TYW1: variants seen among roughly 807,000 people sequenced by gnomAD.
TYW1 encodes the protein tRNA-yW synthesizing protein 1 homolog, also known as S-adenosyl-L-methionine-dependent tRNA 4-demethylwyosine synthase TYW1.
In TYW1, 46 loss-of-function variants were observed where a neutral mutation model predicts 96.2. The observed-to-expected ratio is 0.48, with a 90% CI of 0.38 to 0.61. TYW1 has a LOEUF of 0.61. TYW1 is among the 20% of genes least tolerant of loss of function. TYW1 has a pLI of 0.00. For synonymous variants in TYW1, 274 were observed against 323.0 expected (o/e 0.85, Z 1.63); for missense variants, 684 against 909.6 (o/e 0.75, Z 3.19).
chr7:67,082,990 T>TC (rs11395317), intron 10 of TYW1, among the ~76,000 whole-genome samples: 15,956 of 152,020 alleles, frequency 0.1, 893 homozygotes, highest in Middle Eastern at 0.16. Context: ...TCTTGTCCTT[T>TC]CCCCAGGCCT....
At chr7:67,107,882 T>TC (rs1370303476) in intron 12 of TYW1, among the ~76,000 whole-genome samples, 1 of 149,930 alleles carries the variant, frequency 6.7e-6, no homozygotes, top group African/African-American at 2.5e-5. Flanking sequence ...GACTTTTTTT[T>TC]TTTTTTTTTT....
At chr7:67,082,311 G>T (rs1796414496) in intron 10 of TYW1, among the ~76,000 whole-genome samples, 1 of 152,116 alleles carries the variant, frequency 6.6e-6, no homozygotes, top group Non-Finnish European at 1.5e-5. Flanking sequence ...TATAGTGTTG[G>T]TTGAGTGGGG....
intron 15 of TYW1, among the ~76,000 whole-genome samples, chr7:67,210,914 A>C (rs536057243): frequency 2.0e-5 from 3 of 146,562 alleles, no homozygotes; most frequent in African/African-American, 7.6e-5. Context: ...CCATCCATCT[A>C]TCCAACCATC....
At chr7:67,098,756 C>T in intron 12 of TYW1, 38 bp downstream of exon 12, 1 of 1,525,680 alleles carries the variant, frequency 6.6e-7, no homozygotes, top group East Asian at 2.3e-5. Context: ...CTGCTTGAAT[C>T]TATGTTTCAC....
At position 67,159,198 on chromosome 7, in the gene TYW1, A is replaced by G. The variant is rs573140043; in HGVS notation, c.1699-23928A>G. ...CTCAAGTTTAAATTGCTGCATATTC[A>G]TTAGTTGGGTTTGTCATGATTTTCT... On this transcript the variant is annotated intron_variant, in intron 13 of 15. Coordinates refer to ENST00000359626, the MANE Select transcript of TYW1 (RefSeq NM_018264.4). Among the ~76,000 whole-genome samples the G allele has an allele frequency of 1.1e-4, 16 of 152,270 alleles. No homozygotes were observed. The South Asian group carries it at 1.2e-3, about 12-fold the overall frequency.
chr7:67,076,069 G>A (rs1001890323), intron 10 of TYW1, among the ~76,000 whole-genome samples: 1 of 152,086 alleles, frequency 6.6e-6, no homozygotes, highest in East Asian at 1.9e-4. Context: ...TTCTTTATTC[G>A]GAGGTGTTTT....
chr7:67,143,528 A>G (rs1434610715), intron 13 of TYW1, among the ~76,000 whole-genome samples: 9 of 152,228 alleles, frequency 5.9e-5, no homozygotes, highest in Non-Finnish European at 1.3e-4. Flanking sequence ...ACCACTGATT[A>G]CTAAAGAGCC....
intron 12 of TYW1, among the ~76,000 whole-genome samples, chr7:67,107,874 CT>C (rs1027528139): frequency 0.074 from 8,942 of 121,468 alleles, 332 homozygotes; most frequent in Middle Eastern, 0.19. Context: ...CCAAGATGGA[CT>C]TTTTTTTTTT....
chr7:67,065,872 G>A (rs188945391), intron 9 of TYW1, among the ~76,000 whole-genome samples: 6 of 152,128 alleles, frequency 3.9e-5, no homozygotes, highest in East Asian at 3.9e-4. Context: ...CTAGCTGGGC[G>A]TGGTGCCGCA....
At chr7:67,207,859 T>C (rs1449193916) in intron 15 of TYW1, among the ~76,000 whole-genome samples, 2 of 151,932 alleles carry the variant, frequency 1.3e-5, no homozygotes, top group East Asian at 3.9e-4. Flanking sequence ...TAACTGGGAC[T>C]ACAGGTGCCT....
chr7:67,010,448 G>T (rs1308647501), intron 4 of TYW1, among the ~76,000 whole-genome samples: 1 of 151,572 alleles, frequency 6.6e-6, no homozygotes, highest in African/African-American at 2.4e-5. Flanking sequence ...CTACAGGCAT[G>T]TGCTGCCATG....
Position 67,233,340 on chromosome 7 carries a change from T to G in TYW1, c.1978-4968T>G, listed in dbSNP as rs1801795522. Among the ~76,000 whole-genome samples the G allele has an allele frequency of 2.2e-5, 3 of 135,922 alleles. 1 individual carries two copies. The South Asian group carries it at 7.3e-4, about 33-fold the overall frequency. The allele number at this position is 135,922 out of a possible 152,430, so 89.2% of individuals were successfully genotyped here. A position where few individuals can be genotyped will look rare whatever the true frequency, so the allele number is the denominator to read the frequency against. On this transcript the variant is annotated intron_variant, in intron 15 of 15. Coordinates refer to ENST00000359626, the MANE Select transcript of TYW1 (RefSeq NM_018264.4). ...ACTAACAGAGAACCTATGCCATTAT[T>G]ATTGTTTAGCGAAATTCTCCCTGTG...
chr7:67,182,126 G>A (rs1295223629), intron 13 of TYW1, among the ~76,000 whole-genome samples: 1 of 152,156 alleles, frequency 6.6e-6, no homozygotes, highest in African/African-American at 2.4e-5. Context: ...ACCACACCCG[G>A]CCTTAAGCCA....
At chr7:67,139,439 A>G (rs972313184) in intron 13 of TYW1, among the ~76,000 whole-genome samples, 3 of 152,190 alleles carry the variant, frequency 2.0e-5, no homozygotes, top group African/African-American at 7.2e-5. Context: ...ATGTGTATGC[A>G]CACATACATA....
chr7:67,150,722 A>G lies in TYW1; in HGVS notation c.1699-32404A>G, dbSNP rs558958047. ...AATTTCAGATTCTCCTACAGCATCC[A>G]CGTGATAATTATAAATTTGTTTTGT... On this transcript the variant is annotated intron_variant, in intron 13 of 15. Transcript: ENST00000359626. 9.9e-5 allele frequency among the ~76,000 whole-genome samples: 15 copies of G among 152,116 alleles called. No homozygotes were observed. The East Asian group carries it at 2.1e-3, about 21-fold the overall frequency.
Position 67,009,630 on chromosome 7 carries a change from T to A in TYW1, c.321T>A (p.Pro107=), listed in dbSNP as rs773619559. 8.7e-6 allele frequency: 14 copies of A among 1,612,510 alleles called. No individual in the cohort carries two copies. The highest frequency in any genetic ancestry group is 1.7e-5 in the Admixed American group (1 of 59,660). The change falls in exon 4 of 16, where the codon CCT becomes CCA. Residue 107 remains proline (P), a synonymous_variant. Transcript: ENST00000359626. ...AAGCAGTTACATCCCTGGATCTGCC[T>A]GTGGCCATTATTAATCTAAAAGAAT... ...LAEAVTSLDL[P]VAIINLKEYD... is the part of the protein sequence containing the mutation.
chr7:67,006,501 G>A (rs1172639859), intron 3 of TYW1, among the ~76,000 whole-genome samples: 4 of 145,352 alleles, frequency 2.8e-5, no homozygotes, highest in Non-Finnish European at 4.5e-5. Context: ...GTGCAGTGGC[G>A]TGATCTCGGC....
chr7:67,121,714 C>CT (rs1299069595), intron 13 of TYW1, among the ~76,000 whole-genome samples: 1 of 150,966 alleles, frequency 6.6e-6, no homozygotes, highest in Non-Finnish European at 1.5e-5. Flanking sequence ...ATTTCTTAAA[C>CT]TTTATAAACA....
intron 13 of TYW1, among the ~76,000 whole-genome samples, chr7:67,131,762 A>G (rs59734986): frequency 0.28 from 42,057 of 152,058 alleles, 6,666 homozygotes; most frequent in African/African-American, 0.44. Context: ...GGAAGCTGAC[A>G]GTGCAGCCTT....
Sources: allele counts gnomAD v4.1 joint callset (sites outside exome capture counted in the v4.1 genomes callset), GRCh38; gene constraint gnomAD v4.1.1; transcripts MANE v1.5; gene names NCBI Gene and HGNC (gene_info 2026-07-23, HGNC 2026-07-21).